LRRC4C: variants seen among roughly 807,000 people sequenced by gnomAD.
The protein encoded by LRRC4C is leucine rich repeat containing 4C, also known as leucine-rich repeat-containing protein 4C.
In LRRC4C, 5 loss-of-function variants were observed where a neutral mutation model predicts 33.6. The observed-to-expected ratio is 0.15, with a 90% CI of 0.08 to 0.31. The LOEUF (loss-of-function observed/expected upper bound fraction) is 0.31. Among genes scored for constraint, LRRC4C ranks in the 10% least tolerant of loss-of-function variants. LRRC4C has a pLI of 1.00. For missense variants in LRRC4C, 560 were observed against 796.7 expected, an observed-to-expected ratio of 0.70 and a Z score of 3.58; for synonymous variants, 329 against 302.0, an observed-to-expected ratio of 1.09 and a Z score of -0.93.
intron 1 of LRRC4C, among the ~76,000 whole-genome samples, chr11:41,355,492 T>C (rs1506711): frequency 0.66 from 100,654 of 151,946 alleles, 33,556 homozygotes; most frequent in East Asian, 0.79. Flanking sequence ...ATGTTAAAAG[T>C]GAATAAAGCC....
At chr11:40,718,456 C>G (rs1234119097) in intron 2 of LRRC4C, among the ~76,000 whole-genome samples, 1 of 152,092 alleles carries the variant, frequency 6.6e-6, no homozygotes, top group African/African-American at 2.4e-5. Context: ...GAATTGCAAA[C>G]TTTTAACCAC....
At chr11:40,803,480 G>A (rs1951120473) in intron 2 of LRRC4C, among the ~76,000 whole-genome samples, 1 of 152,032 alleles carries the variant, frequency 6.6e-6, no homozygotes, top group South Asian at 2.1e-4. Flanking sequence ...CCAGAAATTG[G>A]TTCAATAAAA....
chr11:40,548,164 A>G (rs1956999774), intron 3 of LRRC4C, among the ~76,000 whole-genome samples: 1 of 152,092 alleles, frequency 6.6e-6, no homozygotes, highest in African/African-American at 2.4e-5. Flanking sequence ...GAAAATAAAA[A>G]TCGGAAATAA....
chr11:41,360,272 A>G (rs1952307548), intron 1 of LRRC4C, among the ~76,000 whole-genome samples: 1 of 152,214 alleles, frequency 6.6e-6, no homozygotes, highest in African/African-American at 2.4e-5. Context: ...GCTAGTTAGC[A>G]TGGTGTACAC....
intron 5 of LRRC4C, among the ~76,000 whole-genome samples, chr11:40,171,540 G>A (rs1272909613): frequency 6.6e-6 from 1 of 152,096 alleles, no homozygotes; most frequent in Admixed American, 6.6e-5. Context: ...AAATTTTCAT[G>A]TGTTATTGAT....
intron 2 of LRRC4C, among the ~76,000 whole-genome samples, chr11:40,804,488 C>A (rs1030438005): frequency 6.6e-6 from 1 of 152,182 alleles, no homozygotes; most frequent in Non-Finnish European, 1.5e-5. Context: ...GCATTCCGCA[C>A]GTGTTTAATG....
At chr11:41,097,409 G>A (rs867721104) in intron 1 of LRRC4C, among the ~76,000 whole-genome samples, 1 of 152,140 alleles carries the variant, frequency 6.6e-6, no homozygotes, top group Middle Eastern at 3.4e-3. Flanking sequence ...TGTTACCATG[G>A]TACTATTATG....
At chr11:40,884,077 G>C (rs908144074) in intron 2 of LRRC4C, among the ~76,000 whole-genome samples, 2 of 151,614 alleles carry the variant, frequency 1.3e-5, no homozygotes, top group South Asian at 4.2e-4. Context: ...CCCCTACCCC[G>C]TGACAGGCCC....
intron 1 of LRRC4C, among the ~76,000 whole-genome samples, chr11:41,290,975 A>C (rs545304495): frequency 1.3e-5 from 2 of 152,166 alleles, no homozygotes; most frequent in Non-Finnish European, 2.9e-5. Context: ...CAAAAATTCA[A>C]GCATGTGGAG....
At chr11:41,377,177 C>T (rs905304780) in intron 1 of LRRC4C, among the ~76,000 whole-genome samples, 1 of 152,052 alleles carries the variant, frequency 6.6e-6, no homozygotes, top group South Asian at 2.1e-4. Flanking sequence ...CTTCAATTGT[C>T]CTCCCTTTAA....
chr11:40,556,847 G>A (rs764876725), intron 3 of LRRC4C, among the ~76,000 whole-genome samples: 3 of 152,180 alleles, frequency 2.0e-5, no homozygotes, highest in Non-Finnish European at 4.4e-5. Flanking sequence ...TTTCAGCTTA[G>A]AGAAAACTTT....
Position 40,876,859 on chromosome 11 carries a change from C to T in LRRC4C, c.-407+56776G>A, listed in dbSNP as rs372776811. Among the ~76,000 whole-genome samples the T allele has an allele frequency of 1.1e-4, 16 of 144,590 alleles. No individual in the cohort carries two copies. The South Asian group carries it at 2.0e-3, about 18-fold the overall frequency. 94.9% of individuals were successfully genotyped at this position (144,590 alleles called of 152,430 possible). ...TGGGGGTTGTAGTGAGCCAGGATTG[C>T]GCCACTGCACTGCAGCCTGGCAACA... On this transcript the variant is annotated intron_variant, in intron 2 of 6. Coordinates refer to ENST00000528697, the MANE Select transcript of LRRC4C (RefSeq NM_001258419.2).
At chr11:40,848,855 T>C (rs1209279489) in intron 2 of LRRC4C, among the ~76,000 whole-genome samples, 2 of 152,238 alleles carry the variant, frequency 1.3e-5, no homozygotes, top group Admixed American at 6.5e-5. Flanking sequence ...ATACTTAGAA[T>C]AGTTAAATCT....
intron 1 of LRRC4C, among the ~76,000 whole-genome samples, chr11:41,251,100 C>A (rs934069397): frequency 1.3e-5 from 2 of 152,082 alleles, no homozygotes; most frequent in African/African-American, 4.8e-5. Context: ...CAATACAAAA[C>A]CCCAAACCTC....
chr11:41,293,747 G>A (rs181219689), intron 1 of LRRC4C, among the ~76,000 whole-genome samples: 86 of 152,062 alleles, frequency 5.7e-4, no homozygotes, highest in African/African-American at 2.0e-3. Context: ...ACAGGTGCGT[G>A]CCATCATGTC....
rs1478069548 is a variant in LRRC4C at position 41,265,503 on chromosome 11, C to A, written c.-496+193928G>T. 3.3e-5 allele frequency among the ~76,000 whole-genome samples: 5 copies of A among 151,904 alleles called. 1 individual carries two copies. In the East Asian group the frequency reaches 9.6e-4, roughly 29 times the overall value. On this transcript the variant is annotated intron_variant, in intron 1 of 6. Transcript: ENST00000528697. ...ACAGTCCTTGTGTAAATTACTGGAA[C>A]AAAGGGTAAATAAAGCCATAATCTT...
chr11:40,238,518 AT>A, intron 5 of LRRC4C, among the ~76,000 whole-genome samples: 1 of 152,308 alleles, frequency 6.6e-6, no homozygotes, highest in South Asian at 2.1e-4. Context: ...TAGCAGAATC[AT>A]TTTTTAAAAA....
intron 2 of LRRC4C, among the ~76,000 whole-genome samples, chr11:40,842,724 C>T (rs1383904682): frequency 6.6e-6 from 1 of 152,074 alleles, no homozygotes; most frequent in East Asian, 1.9e-4. Context: ...TTTTATTGTG[C>T]TACTTACCCT....
chr11:40,922,848 CAG>C (rs1273290908), intron 2 of LRRC4C, among the ~76,000 whole-genome samples: 6 of 151,846 alleles, frequency 4.0e-5, no homozygotes, highest in Non-Finnish European at 8.8e-5. Flanking sequence ...TTTTCAGAAG[CAG>C]AGTCTCATTC....
Sources: gnomAD v4.1 joint callset for allele counts (sites outside exome capture counted in the v4.1 genomes callset) on GRCh38, gnomAD v4.1.1 for gene constraint, MANE v1.5 for transcripts, NCBI Gene and HGNC (gene_info 2026-07-23, HGNC 2026-07-21) for gene names.